The following GRIK3 variants were observed in gnomAD, a reference collection of about 807,000 sequenced individuals.
GRIK3 encodes the protein glutamate ionotropic receptor kainate type subunit 3.
GRIK3 carries 29 observed loss-of-function variants against 102.5 expected under a neutral mutation model. The observed-to-expected ratio is 0.28, with a 90% CI of 0.21 to 0.39. The LOEUF (loss-of-function observed/expected upper bound fraction) is 0.39. Among genes scored for constraint, GRIK3 ranks in the 10% least tolerant of loss-of-function variants. The pLI is 1.00. For synonymous variants in GRIK3, 511 were observed against 504.9 expected (o/e 1.01, Z -0.16); for missense variants, 908 against 1,252.4 (o/e 0.73, Z 4.15).
At chr1:36,978,347 C>A (rs1372721525) in intron 1 of GRIK3, among the ~76,000 whole-genome samples, 2 of 152,224 alleles carry the variant, frequency 1.3e-5, no homozygotes, top group East Asian at 3.8e-4. Flanking sequence ...TTGAGTCCAA[C>A]CATATTTTGA....
rs1298948929 is a variant in GRIK3, at chr1:36,881,022, G to A, written c.293-131C>T. ...CCCTCGGTGGGTGCACAATGGATGA[G>A]CTCTCTGAACCTCAGTTTCCTCATC... On this transcript the variant is annotated intron_variant, in intron 2 of 15. Transcript: ENST00000373091. 5 of 949,714 alleles carry A rather than the reference G, an allele frequency of 5.3e-6. No homozygotes were observed. In the Middle Eastern group the frequency reaches 9.7e-4, roughly 183 times the overall value. 58.8% of individuals were successfully genotyped at this position (949,714 alleles called of 1,614,324 possible).
chr1:36,801,840 C>A lies in GRIK3; in HGVS notation c.*11G>T. On this transcript the variant is annotated 3_prime_UTR_variant, in exon 16 of 16. Coordinates refer to ENST00000373091, the MANE Select transcript of GRIK3 (RefSeq NM_000831.4). ...CAGCCCCCAGGCCTGAGGTCCCCAC[C>A]CCAGCTGTGCCTAGGGGAACACAGG... 2.5e-6 allele frequency: 4 copies of A among 1,587,384 alleles called. No individual in the cohort carries two copies. The highest frequency in any genetic ancestry group is 3.4e-6 in the Non-Finnish European group (4 of 1,165,976).
chr1:36,838,208 T>C (rs1193804694), intron 10 of GRIK3, among the ~76,000 whole-genome samples: 3 of 152,212 alleles, frequency 2.0e-5, no homozygotes, highest in Non-Finnish European at 2.9e-5. Flanking sequence ...GGAGGCTCTT[T>C]TGTTATCCCC....
At chr1:36,831,706 A>G (rs942973) in intron 10 of GRIK3, among the ~76,000 whole-genome samples, 26,891 of 152,278 alleles carry the variant, frequency 0.18, 2,691 homozygotes, top group African/African-American at 0.27. Context: ...CGGGCCACAC[A>G]TGGCTGTCAA....
Position 36,801,915 on chromosome 1 carries a change from T to C in GRIK3, c.2696A>G (p.Asp899Gly). ...DAVINMHTFN[D>G]RRLPGKDSMA... The stretch of plus-strand genomic sequence containing the variant: ...GCTGTCCTTGCCGGGAAGCCGGCGG[T>C]CATTGAATGTGTGCATGTTGATGAC... The change falls in exon 16 of 16, where the codon GAC (aspartate) becomes GGC (glycine). Residue 899 changes from aspartate to glycine, a missense_variant. Physicochemically the swap from Asp to Gly is moderately conservative, Grantham distance 94. This residue lies in a region of GRIK3 where 297 missense variants were observed against 362.7 expected (regional missense o/e 0.82). Coordinates refer to ENST00000373091, the MANE Select transcript of GRIK3 (RefSeq NM_000831.4). 1 of 1,613,974 alleles carries C rather than the reference T, an allele frequency of 6.2e-7. No individual in the cohort carries two copies. The highest frequency in any genetic ancestry group is 8.5e-7 in the Non-Finnish European group (1 of 1,179,964).
chr1:37,014,500 A>G (rs1045277001), intron 1 of GRIK3, among the ~76,000 whole-genome samples: 2 of 152,256 alleles, frequency 1.3e-5, no homozygotes, highest in African/African-American at 4.8e-5. Context: ...TCATACCTGA[A>G]TGGAGTAATG....
intron 1 of GRIK3, among the ~76,000 whole-genome samples, chr1:36,920,232 G>C (rs1447628191): frequency 6.6e-6 from 1 of 152,176 alleles, no homozygotes; most frequent in Non-Finnish European, 1.5e-5. Context: ...AGACTATTGT[G>C]GTGCAGTTCT....
At chr1:36,857,507 C>A (rs1261516653) in intron 7 of GRIK3, among the ~76,000 whole-genome samples, 2 of 152,178 alleles carry the variant, frequency 1.3e-5, no homozygotes, top group Non-Finnish European at 2.9e-5. Context: ...CTACAAGGGA[C>A]TCCAGTCAGG....
At chr1:36,905,682 T>A (rs1641277990) in intron 1 of GRIK3, among the ~76,000 whole-genome samples, 2 of 152,212 alleles carry the variant, frequency 1.3e-5, no homozygotes, top group African/African-American at 4.8e-5. Context: ...CCAGTGAATA[T>A]CTCTGGATAG....
At chr1:36,876,198 A>G (rs113140407) in intron 3 of GRIK3, among the ~76,000 whole-genome samples, 1,564 of 152,258 alleles carry the variant, frequency 0.01, 21 homozygotes, top group African/African-American at 0.036. Flanking sequence ...CTCTATAAAA[A>G]AATTTAAAAC....
chr1:37,006,826 G>T (rs142826711), intron 1 of GRIK3, among the ~76,000 whole-genome samples: 5 of 152,298 alleles, frequency 3.3e-5, no homozygotes, highest in Non-Finnish European at 7.4e-5. Flanking sequence ...TTAGGAGGGG[G>T]GTACAATTAT....
intron 1 of GRIK3, among the ~76,000 whole-genome samples, chr1:36,976,734 T>C (rs1642200180): frequency 6.6e-6 from 1 of 152,168 alleles, no homozygotes; most frequent in African/African-American, 2.4e-5. Flanking sequence ...TGAGTCATCA[T>C]CTGAGTTACA....
chr1:37,032,220 T>C (rs1186535621), intron 1 of GRIK3, among the ~76,000 whole-genome samples: 3 of 152,188 alleles, frequency 2.0e-5, no homozygotes, highest in Admixed American at 2.0e-4. Flanking sequence ...ATCCTGCGCC[T>C]TCCCAGCTTA....
At chr1:36,884,290 TAAATGCTTTA>T (rs559263625) in intron 2 of GRIK3, among the ~76,000 whole-genome samples, 1 of 152,184 alleles carries the variant, frequency 6.6e-6, no homozygotes, top group Non-Finnish European at 1.5e-5. Flanking sequence ...ACAGTGATAA[TAAATGCTTTA>T]AAAACAGGAA....
At chr1:36,889,985 G>A (rs1641083656) in intron 2 of GRIK3, among the ~76,000 whole-genome samples, 1 of 152,124 alleles carries the variant, frequency 6.6e-6, no homozygotes, top group Non-Finnish European at 1.5e-5. Context: ...TCTCAGCAGG[G>A]AGATGGACAC....
chr1:37,021,757 T>A (rs1188299626), intron 1 of GRIK3, among the ~76,000 whole-genome samples: 1 of 152,174 alleles, frequency 6.6e-6, no homozygotes, highest in Non-Finnish European at 1.5e-5. Flanking sequence ...AGTTCTGTTG[T>A]GTTCAGGAGG....
chr1:36,964,830 T>C (rs1454130670), intron 1 of GRIK3, among the ~76,000 whole-genome samples: 2 of 152,192 alleles, frequency 1.3e-5, no homozygotes, highest in Non-Finnish European at 2.9e-5. Flanking sequence ...CCCCAAGGCA[T>C]CTGACAAATG....
chr1:36,836,686 A>T (rs1260350623), intron 10 of GRIK3, among the ~76,000 whole-genome samples: 1 of 152,168 alleles, frequency 6.6e-6, no homozygotes, highest in Non-Finnish European at 1.5e-5. Context: ...AGGCAGGGAA[A>T]ACTTCTTATC....
chr1:36,865,889 T>C (rs573008548), intron 5 of GRIK3, among the ~76,000 whole-genome samples: 112 of 152,308 alleles, frequency 7.4e-4, no homozygotes, highest in African/African-American at 2.7e-3. Flanking sequence ...TCTTGCTTTC[T>C]TTTTTAAAGT....
Sources: allele counts gnomAD v4.1 joint callset (sites outside exome capture counted in the v4.1 genomes callset), GRCh38; gene constraint gnomAD v4.1.1; regional missense constraint gnomAD v4.1.1; transcripts MANE v1.5; gene names NCBI Gene and HGNC (gene_info 2026-07-23, HGNC 2026-07-21).